The following STPG2 variants were observed in gnomAD, a reference collection of about 807,000 sequenced individuals.
The protein encoded by STPG2 is sperm tail PG-rich repeat containing 2.
STPG2 carries 56 observed loss-of-function variants against 54.2 expected under a neutral mutation model. The ratio of observed to expected loss-of-function variants is 1.03; its 90% CI spans 0.83 to 1.29. The LOEUF is 1.29. STPG2 is among the 50% of genes most tolerant of loss of function. The pLI, the probability that STPG2 is intolerant of heterozygous loss-of-function variation, is 0.00. For synonymous variants in STPG2, 200 were observed against 181.8 expected, an observed-to-expected ratio of 1.10 and a Z score of -0.81; for missense variants, 596 against 544.9, an observed-to-expected ratio of 1.09 and a Z score of -0.93.
At chr4:98,080,787 G>A (rs1298915420) in intron 5 of STPG2, among the ~76,000 whole-genome samples, 1 of 152,152 alleles carries the variant, frequency 6.6e-6, no homozygotes, top group Non-Finnish European at 1.5e-5. Flanking sequence ...GCTTTAAAAT[G>A]GGACTCAACA....
chr4:97,518,520 G>T (rs1731119716), intron 4 of STPG2, among the ~76,000 whole-genome samples: 1 of 152,044 alleles, frequency 6.6e-6, no homozygotes, highest in Non-Finnish European at 1.5e-5. Flanking sequence ...CATTTAAGAA[G>T]TATATAATAT....
chr4:97,751,551 G>T (rs2149045676), intron 9 of STPG2, among the ~76,000 whole-genome samples: 1 of 151,862 alleles, frequency 6.6e-6, no homozygotes. Flanking sequence ...TTTTTACGAG[G>T]AAATTTTTAT....
chr4:97,483,125 G>C (rs992120976), intron 4 of STPG2, among the ~76,000 whole-genome samples: 1 of 151,388 alleles, frequency 6.6e-6, no homozygotes, highest in African/African-American at 2.4e-5. Context: ...AAATCAGACA[G>C]GACCTATAAA....
intron 4 of STPG2, among the ~76,000 whole-genome samples, chr4:97,474,830 T>A (rs2148817159): frequency 6.6e-6 from 1 of 152,156 alleles, no homozygotes; most frequent in African/African-American, 2.4e-5. Context: ...GCAAATAACT[T>A]TTTGTGTGGG....
intron 10 of STPG2, among the ~76,000 whole-genome samples, chr4:97,572,956 TCC>T (rs1474794614): frequency 6.6e-6 from 1 of 152,158 alleles, no homozygotes; most frequent in East Asian, 1.9e-4. Context: ...ACTAGTTTTA[TCC>T]CATGTAGAGT....
chr4:97,456,907 A>G (rs904803124), intron 4 of STPG2, among the ~76,000 whole-genome samples: 3 of 142,868 alleles, frequency 2.1e-5, no homozygotes, highest in Non-Finnish European at 3.0e-5. Flanking sequence ...AAAAAAAAAG[A>G]AAATTAAAAA....
chr4:97,920,926 G>T (rs1187529798), intron 8 of STPG2, among the ~76,000 whole-genome samples: 1 of 152,108 alleles, frequency 6.6e-6, no homozygotes, highest in African/African-American at 2.4e-5. Context: ...TGGGAGAATA[G>T]GACTTTCCAA....
At chr4:97,707,348 C>T (rs1330574581) in intron 10 of STPG2, among the ~76,000 whole-genome samples, 1 of 151,938 alleles carries the variant, frequency 6.6e-6, no homozygotes, top group Non-Finnish European at 1.5e-5. Context: ...GGCAAAACCC[C>T]ATCTCTGCAA....
chr4:97,829,846 C>G (rs1445968360), intron 9 of STPG2, among the ~76,000 whole-genome samples: 2 of 151,968 alleles, frequency 1.3e-5, no homozygotes, highest in African/African-American at 4.8e-5. Context: ...AATGAATGAA[C>G]AAAGCCTCCA....
chr4:97,864,820 T>C (rs1347328845), intron 8 of STPG2, among the ~76,000 whole-genome samples: 1 of 152,008 alleles, frequency 6.6e-6, no homozygotes, highest in African/African-American at 2.4e-5. Context: ...TTGACAAACC[T>C]GACACAAACA....
chr4:98,012,303 G>T (rs962814650), intron 5 of STPG2, among the ~76,000 whole-genome samples: 15 of 152,210 alleles, frequency 9.9e-5, no homozygotes, highest in Middle Eastern at 3.4e-3. Context: ...TGTTCCATTA[G>T]TCTATATGTC....
At chr4:97,996,520 G>A (rs938313896) in intron 5 of STPG2, among the ~76,000 whole-genome samples, 1 of 142,614 alleles carries the variant, frequency 7.0e-6, no homozygotes, top group Admixed American at 7.1e-5. Context: ...GATAACTCAG[G>A]AAATACCCTT....
chr4:97,878,574 T>C (rs1050025133), intron 8 of STPG2, among the ~76,000 whole-genome samples: 1 of 152,174 alleles, frequency 6.6e-6, no homozygotes, highest in Non-Finnish European at 1.5e-5. Context: ...TTGCTCCATT[T>C]TAGCCATGGC....
chr4:97,629,739 G>A (rs528411614), intron 10 of STPG2, among the ~76,000 whole-genome samples: 2 of 151,928 alleles, frequency 1.3e-5, no homozygotes, highest in Non-Finnish European at 2.9e-5. Context: ...GTAAAATCTG[G>A]GAGTAGCAGT....
At chr4:97,878,009 G>A (rs1247324014) in intron 8 of STPG2, among the ~76,000 whole-genome samples, 1 of 152,196 alleles carries the variant, frequency 6.6e-6, no homozygotes, top group Non-Finnish European at 1.5e-5. Flanking sequence ...CAAAGAGGCT[G>A]CAGGCCCCAT....
intron 10 of STPG2, among the ~76,000 whole-genome samples, chr4:97,648,746 T>C (rs928603506): frequency 5.9e-5 from 9 of 152,166 alleles, no homozygotes; most frequent in Middle Eastern, 3.2e-3. Context: ...CAAGGAAATG[T>C]ATACAAACTT....
chr4:97,943,351 A>G (rs1733065334), intron 8 of STPG2, among the ~76,000 whole-genome samples: 1 of 152,170 alleles, frequency 6.6e-6, no homozygotes, highest in East Asian at 1.9e-4. Flanking sequence ...ACTTTGATAT[A>G]TTTGTAAATT....
intron 5 of STPG2, among the ~76,000 whole-genome samples, chr4:97,996,271 G>A (rs1200219821): frequency 6.6e-6 from 1 of 151,964 alleles, no homozygotes; most frequent in Non-Finnish European, 1.5e-5. Flanking sequence ...AGAATAGAGA[G>A]CCCAGAAAGA....
intron 5 of STPG2, among the ~76,000 whole-genome samples, chr4:97,986,318 T>C (rs773866183): frequency 1.3e-5 from 2 of 152,194 alleles, no homozygotes; most frequent in Non-Finnish European, 2.9e-5. Context: ...TGCCACATAA[T>C]AAAGGTTTGC....
Sources: gnomAD v4.1 joint callset for allele counts (sites outside exome capture counted in the v4.1 genomes callset) on GRCh38, gnomAD v4.1.1 for gene constraint, MANE v1.5 for transcripts, NCBI Gene and HGNC (gene_info 2026-07-23, HGNC 2026-07-21) for gene names.